BAIAP2L2: variants seen among roughly 807,000 people sequenced by gnomAD.
The protein encoded by BAIAP2L2 is BAR/IMD domain-containing adapter protein 2-like 2.
A neutral mutation model predicts 60.4 loss-of-function variants in BAIAP2L2; 65 were observed. That is an observed-to-expected ratio of 1.08 (90% CI 0.88 to 1.32). The LOEUF is 1.32. Ranked by LOEUF, BAIAP2L2 falls within the 40% of genes most tolerant of loss-of-function variation. The pLI, the probability that BAIAP2L2 is intolerant of heterozygous loss-of-function variation, is 0.00. For synonymous variants in BAIAP2L2, 344 were observed against 301.7 expected, an observed-to-expected ratio of 1.14 and a Z score of -1.45; for missense variants, 836 against 741.2, an observed-to-expected ratio of 1.13 and a Z score of -1.48.
intron 1 of BAIAP2L2, among the ~76,000 whole-genome samples, chr22:38,109,939 TG>T (rs2086769359): frequency 1.3e-5 from 2 of 149,684 alleles, no homozygotes; most frequent in East Asian, 4.1e-4. Flanking sequence ...GAAAGGGTCC[TG>T]CACACAGGAG....
rs536924701 is a variant in BAIAP2L2 at position 38,099,876 on chromosome 22, G to A, written c.277-1394C>T. Among the ~76,000 whole-genome samples, 35 of 152,268 alleles carry A rather than the reference G, an allele frequency of 2.3e-4. No individual in the cohort carries two copies. In the South Asian group the frequency reaches 7.0e-3, roughly 31 times the overall value. On this transcript the variant is annotated intron_variant, in intron 4 of 13. Transcript: ENST00000381669. ...CATCATCCCACGGGGCTAGGGGATCGCCCAGAAAAGGAATGCTGGCAATCT... is the reference window on the plus strand; with the variant it reads ...CATCATCCCACGGGGCTAGGGGATCACCCAGAAAAGGAATGCTGGCAATCT...
chr22:38,110,113 GA>G (rs2086794381), intron 1 of BAIAP2L2, among the ~76,000 whole-genome samples: 1 of 31,092 alleles, frequency 3.2e-5, no homozygotes, highest in Admixed American at 3.6e-4. Context: ...GAGAGGGAGA[GA>G]GAGAGGGAGA....
At chr22:38,093,752 C>T (rs1035192833) in intron 7 of BAIAP2L2, among the ~76,000 whole-genome samples, 27 of 152,206 alleles carry the variant, frequency 1.8e-4, no homozygotes, top group Non-Finnish European at 1.5e-4. Context: ...TCATAAACTG[C>T]TGATGGACAC....
At chr22:38,102,240 C>G (rs1333629293) in intron 4 of BAIAP2L2, among the ~76,000 whole-genome samples, 3 of 152,110 alleles carry the variant, frequency 2.0e-5, no homozygotes, top group Non-Finnish European at 2.9e-5. Context: ...CAGCCAGGCT[C>G]CCATCCAGAC....
Position 38,094,079 on chromosome 22 carries a change from G to A in BAIAP2L2, c.612+2953C>T, listed in dbSNP as rs966472536. The stretch of plus-strand genomic sequence containing the variant: ...AAGAGCACACACATTGTATGATTCT[G>A]TTTATATGAAATGTCCAGAATGGGC... On this transcript the variant is annotated intron_variant, in intron 7 of 13. Transcript: ENST00000381669. 9 of 444,788 alleles carry A rather than the reference G, an allele frequency of 2.0e-5. No homozygotes were observed. The Admixed American group carries it at 2.1e-4, about 11-fold the overall frequency. The allele number at this position is 444,788 out of a possible 1,614,324, so 27.6% of individuals were successfully genotyped here.
intron 4 of BAIAP2L2, among the ~76,000 whole-genome samples, chr22:38,106,528 TAAAAAA>T (rs71195083): frequency 1.6e-5 from 2 of 121,962 alleles, no homozygotes; most frequent in South Asian, 2.5e-4. Flanking sequence ...TCAAAAAAAT[TAAAAAA>T]AAAAAAAAAA....
chr22:38,104,322 A>T (rs904917295), intron 4 of BAIAP2L2, among the ~76,000 whole-genome samples: 4 of 152,124 alleles, frequency 2.6e-5, no homozygotes, highest in African/African-American at 9.7e-5. Context: ...GCCAAGGGCA[A>T]GGCTCCGGAT....
rs1360108312 is a variant in BAIAP2L2, at chr22:38,110,608, G to A, written c.-83C>T. On this transcript the variant is annotated 5_prime_UTR_variant, in exon 1 of 14. Coordinates refer to ENST00000381669, the MANE Select transcript of BAIAP2L2 (RefSeq NM_025045.6). ...GGGAGCAGTGGTAGGTAGTCCCTCA[G>A]GTGCCCACGACTCAGCTGGCAGCGA... The A allele has an allele frequency of 2.2e-5, 26 of 1,193,192 alleles. No homozygotes were observed. The highest frequency in any genetic ancestry group is 2.9e-5 in the Non-Finnish European group (25 of 848,434). The allele number at this position is 1,193,192 out of a possible 1,614,324, so 73.9% of individuals were successfully genotyped here. A position where few individuals can be genotyped will look rare whatever the true frequency, so the allele number is the denominator to read the frequency against.
chr22:38,110,608 G>T lies in BAIAP2L2; in HGVS notation c.-83C>A. ...GGGAGCAGTGGTAGGTAGTCCCTCA[G>T]GTGCCCACGACTCAGCTGGCAGCGA... On this transcript the variant is annotated 5_prime_UTR_variant, in exon 1 of 14. The change creates a new upstream start codon in the 5' untranslated region. Coordinates refer to ENST00000381669, the MANE Select transcript of BAIAP2L2 (RefSeq NM_025045.6). The T allele has an allele frequency of 1.7e-6, 2 of 1,193,194 alleles. No homozygotes were observed. The highest frequency in any genetic ancestry group is 2.4e-6 in the Non-Finnish European group (2 of 848,436). 73.9% of individuals were successfully genotyped at this position (1,193,194 alleles called of 1,614,324 possible).
chr22:38,109,278 C>T (rs1205583085), intron 1 of BAIAP2L2, 70 bp from the exon 2 acceptor site: 46 of 1,307,410 alleles, frequency 3.5e-5, no homozygotes, highest in Non-Finnish European at 4.6e-5. Flanking sequence ...CGGATGGAGT[C>T]AAGTCACCAG....
Position 38,097,168 on chromosome 22 carries a change from T to C in BAIAP2L2, c.476A>G (p.Asn159Ser), listed in dbSNP as rs1244122926. ...KNVREMKESV[N>S]RLHAQMQAFV... ...GGCCTGCATCTGTGCGTGCAGCCGG[T>C]TCACACTCTCCTGGGGGGGAACGGG... The change falls in exon 7 of 14, where the codon AAC (asparagine) becomes AGC (serine). Residue 159 changes from asparagine (N) to serine (S), a missense_variant. Transcript: ENST00000381669. 8 of 1,613,328 alleles carry C rather than the reference T, an allele frequency of 5.0e-6. No individual in the cohort carries two copies. Among genetic ancestry groups the C allele is most frequent in the Non-Finnish European group, 5.9e-6 (7 of 1,179,918 alleles).
chr22:38,100,539 A>G (rs2086544532), intron 4 of BAIAP2L2, among the ~76,000 whole-genome samples: 1 of 129,294 alleles, frequency 7.7e-6, no homozygotes, highest in African/African-American at 3.6e-5. Context: ...TAAATAAATA[A>G]ATAAATAAAT....
intron 4 of BAIAP2L2, among the ~76,000 whole-genome samples, chr22:38,105,480 C>T (rs1294783408): frequency 1.3e-5 from 2 of 151,818 alleles, no homozygotes; most frequent in African/African-American, 2.4e-5. Flanking sequence ...GCTGGGATTA[C>T]AGGCGCCCGC....
intron 5 of BAIAP2L2, 103 bp downstream of exon 5, chr22:38,098,308 C>G: frequency 6.9e-7 from 1 of 1,442,634 alleles, no homozygotes; most frequent in South Asian, 1.2e-5. Flanking sequence ...TAATCTGGGG[C>G]CCAGTCAGTG....
intron 7 of BAIAP2L2, among the ~76,000 whole-genome samples, chr22:38,092,840 G>C (rs2086338210): frequency 6.6e-6 from 1 of 151,934 alleles, no homozygotes; most frequent in African/African-American, 2.4e-5. Context: ...GTAATGAGTG[G>C]TATGAGTTCA....
intron 12 of BAIAP2L2, among the ~76,000 whole-genome samples, chr22:38,085,975 G>C (rs1037286029): frequency 6.6e-6 from 1 of 152,186 alleles, no homozygotes; most frequent in Non-Finnish European, 1.5e-5. Context: ...GGATAAGACC[G>C]GGGTGGCTCC....
chr22:38,110,847 C>A (rs184902477), upstream of BAIAP2L2, among the ~76,000 whole-genome samples: 153 of 152,256 alleles, frequency 1.0e-3, 1 homozygote, highest in African/African-American at 3.3e-3. Flanking sequence ...GATGAGCCCC[C>A]TCCTGGGTCA....
chr22:38,085,765 G>C, intron 12 of BAIAP2L2, 33 bp from the exon 13 acceptor site: 1 of 1,558,900 alleles, frequency 6.4e-7, no homozygotes, highest in Non-Finnish European at 8.7e-7. Context: ...CTGGTTTGGT[G>C]GGGAGAGGGG....
Position 38,088,784 on chromosome 22 carries a change from T to C in BAIAP2L2, c.1082A>G (p.Asn361Ser), listed in dbSNP as rs916395818. ...VVEVLVPEAQ[N>S]GWLYGKLEGS... ...CTCCAGCTTGCCGTAGAGCCAGCCG[T>C]TCTGGGCCTCGGGCACCAACACCTC... Residue 361 changes from asparagine (N) to serine (S), a missense_variant, in exon 10 of 14, where the codon AAC becomes AGC. Asn to Ser is a conservative substitution (Grantham distance 46, BLOSUM62 1). Transcript: ENST00000381669. 3.3e-6 allele frequency: 5 copies of C among 1,508,624 alleles called. No homozygotes were observed. The highest frequency in any genetic ancestry group is 4.5e-6 in the Non-Finnish European group (5 of 1,123,256). 93.5% of individuals were successfully genotyped at this position (1,508,624 alleles called of 1,614,324 possible). A position where few individuals can be genotyped will look rare whatever the true frequency, so the allele number is the denominator to read the frequency against.
Sources: gnomAD v4.1 joint callset for allele counts (sites outside exome capture counted in the v4.1 genomes callset) on GRCh38, gnomAD v4.1.1 for gene constraint, MANE v1.5 for transcripts, NCBI Gene and HGNC (gene_info 2026-07-23, HGNC 2026-07-21) for gene names.